The following CYP27C1 variants were observed in gnomAD, a reference collection of about 807,000 sequenced individuals.
The protein encoded by CYP27C1 is cytochrome P450 family 27 subfamily C member 1, also known as cytochrome P450 27C1.
A neutral mutation model predicts 40.6 loss-of-function variants in CYP27C1; 29 were observed. The ratio of observed to expected loss-of-function variants is 0.71; its 90% CI spans 0.53 to 0.97. The LOEUF is 0.97. Ranked by LOEUF, CYP27C1 falls within the 50% of genes least tolerant of loss-of-function variation. The pLI, the probability that CYP27C1 is intolerant of heterozygous loss-of-function variation, is 0.00. For missense variants in CYP27C1, 390 were observed against 485.8 expected (o/e 0.80, Z 1.85); for synonymous variants, 198 against 186.8 (o/e 1.06, Z -0.49).
At position 127,195,400 on chromosome 2, in the gene CYP27C1, A is replaced by C; in HGVS notation, c.1149T>G (p.His383Gln). The change falls in exon 6 of 9, where the codon CAT becomes CAG. Residue 383 changes from histidine (H) to glutamine (Q), a missense_variant. Transcript: ENST00000664447. This position sits in a 1 kb window ranked among gnomAD's most constrained non-coding sequence, Gnocchi z 6.2. ...REIVKNLGER[H>Q]VPTAADVPKV... ...TGGGGACATCAGCTGCAGTTGGAACATGCCTTTCCCCTAAATTCTTCACAA... is the reference window on the plus strand; with the variant it reads ...TGGGGACATCAGCTGCAGTTGGAACCTGCCTTTCCCCTAAATTCTTCACAA... 6.2e-7 allele frequency: 1 copy of C among 1,614,096 alleles called. No individual in the cohort carries two copies. The highest frequency in any genetic ancestry group is 8.5e-7 in the Non-Finnish European group (1 of 1,180,006).
chr2:127,199,285 C>T, intron 5 of CYP27C1, 91 bp downstream of exon 5: 1 of 1,521,020 alleles, frequency 6.6e-7, no homozygotes, highest in Admixed American at 1.9e-5. Flanking sequence ...AAACTCCATC[C>T]TCCCGCTCCA....
chr2:127,206,413 A>G (rs1368363865), intron 1 of CYP27C1, among the ~76,000 whole-genome samples: 4 of 151,928 alleles, frequency 2.6e-5, no homozygotes, highest in Admixed American at 6.6e-5. Flanking sequence ...GGCCCAGGCA[A>G]TCCTCCCACC....
chr2:127,199,507 T>C lies in CYP27C1; in HGVS notation c.916A>G (p.Ile306Val). Reference protein sequence around the residue: ...QIHVDNKLRDIQYQMDRGRRV... With the variant: ...QIHVDNKLRDVQYQMDRGRRV... ...CGGCCTCGGTCCATTTGGTACTGTA[T>C]GTCCCTCAACTTGTTGTCAACATGA... The change falls in exon 5 of 9, where the codon ATA (isoleucine) becomes GTA (valine). Residue 306 changes from isoleucine to valine, a missense_variant. By Grantham distance (29) the Ile-to-Val change is conservative. Transcript: ENST00000664447. The C allele has an allele frequency of 6.2e-7, 1 of 1,614,068 alleles. No individual in the cohort carries two copies. Among genetic ancestry groups the C allele is most frequent in the East Asian group, 2.2e-5 (1 of 44,886 alleles).
At chr2:127,203,028 A>C (rs1472624524) in intron 3 of CYP27C1, among the ~76,000 whole-genome samples, 2 of 151,920 alleles carry the variant, frequency 1.3e-5, no homozygotes, top group Admixed American at 6.6e-5. Flanking sequence ...ATTAGCCGGG[A>C]GTGGTGGCAG....
In CYP27C1 at chr2:127,204,582, A is replaced by G. The variant is rs999482793; in HGVS notation, c.474-1011T>C. 2.7e-3 allele frequency among the ~76,000 whole-genome samples: 241 copies of G among 88,540 alleles called. 12 individuals are homozygous for G. Among genetic ancestry groups the G allele is most frequent in the African/African-American group, 0.011 (227 of 20,456 alleles). 58.1% of individuals were successfully genotyped at this position (88,540 alleles called of 152,430 possible). On this transcript the variant is annotated intron_variant, in intron 2 of 8. Transcript: ENST00000664447. ...GAAAGAAAGAAAGAAAGAAAGAAAG[A>G]AAGAAAGAAAGAAAGAAAGAAAGAA...
At chr2:127,202,372 C>T (rs1345397778) in intron 3 of CYP27C1, among the ~76,000 whole-genome samples, 2 of 152,158 alleles carry the variant, frequency 1.3e-5, no homozygotes, top group South Asian at 4.1e-4. Flanking sequence ...GTGATCCACC[C>T]GCCTCGGCCT....
At chr2:127,212,504 G>A (rs937406273) in intron 1 of CYP27C1, among the ~76,000 whole-genome samples, 2 of 152,212 alleles carry the variant, frequency 1.3e-5, no homozygotes, top group African/African-American at 4.8e-5. Context: ...ATGCAAGGCT[G>A]TTTTAACATA....
Position 127,203,446 on chromosome 2 carries a change from A to C in CYP27C1, c.599T>G (p.Leu200Arg). ...VIADLIKRIY[L>R]LRSQAEDGET... ...TCCATCTTCTGCCTGGCTCCTGAGG[A>C]GGTAGATTCTTTTAATTAAGTCAGC... Residue 200 changes from leucine (L) to arginine (R), a missense_variant, in exon 3 of 9, where the codon CTC becomes CGC. Coordinates refer to ENST00000664447, the MANE Select transcript of CYP27C1 (RefSeq NM_001367502.1). 1 of 1,613,994 alleles carries C rather than the reference A, an allele frequency of 6.2e-7. No homozygotes were observed. The highest frequency in any genetic ancestry group is 1.7e-5 in the Admixed American group (1 of 59,992).
chr2:127,207,296 A>G (rs4662574), intron 1 of CYP27C1, among the ~76,000 whole-genome samples: 4,757 of 152,270 alleles, frequency 0.031, 115 homozygotes, highest in Middle Eastern at 0.058. Context: ...AGAGTTTGAG[A>G]CCAGCCTAGC....
rs1683035001 is a variant in CYP27C1 at position 127,201,489 on chromosome 2, G to A, written c.674-158C>T. 6.6e-6 allele frequency among the ~76,000 whole-genome samples: 1 copy of A among 152,184 alleles called. No individual in the cohort carries two copies. The highest frequency in any genetic ancestry group is 2.4e-5 in the African/African-American group (1 of 41,440). The stretch of plus-strand genomic sequence containing the variant: ...ATTTCTCTGCATCCTGAACTGCAGG[G>A]TGCTGGCATTTAGGGCTGACAGGTG... On this transcript the variant is annotated intron_variant, in intron 3 of 8. Coordinates refer to ENST00000664447, the MANE Select transcript of CYP27C1 (RefSeq NM_001367502.1). The surrounding 1 kb of genome is among the most constrained non-coding windows in gnomAD (Gnocchi z 6.0).
rs758945908 is a variant in CYP27C1 at position 127,205,421 on chromosome 2, G to C, written c.473+479C>G. Among the ~76,000 whole-genome samples the C allele has an allele frequency of 2.2e-4, 34 of 152,216 alleles. 1 individual carries two copies. Among genetic ancestry groups the C allele is most frequent in the Non-Finnish European group, 3.7e-4 (25 of 68,040 alleles). On this transcript the variant is annotated intron_variant, in intron 2 of 8. Coordinates refer to ENST00000664447, the MANE Select transcript of CYP27C1 (RefSeq NM_001367502.1). ...GGGCCACGATCTCTTGGAAGGCACA[G>C]AGGTGTTGGTGACGCTGGTTCAAAA...
intron 8 of CYP27C1, among the ~76,000 whole-genome samples, chr2:127,189,360 A>G (rs542306429): frequency 6.6e-6 from 1 of 152,106 alleles, no homozygotes; most frequent in South Asian, 2.1e-4. Flanking sequence ...GGCAGACGCC[A>G]TTTATTTGGT....
chr2:127,208,528 GCTGT>G lies in CYP27C1; in HGVS notation c.283-2442_283-2439del, dbSNP rs1364955262. Among the ~76,000 whole-genome samples the G allele has an allele frequency of 1.3e-5, 2 of 152,230 alleles. No homozygotes were observed. Among genetic ancestry groups the G allele is most frequent in the Admixed American group, 1.3e-4 (2 of 15,286 alleles). The stretch of plus-strand genomic sequence containing the variant: ...CGACCAGCACCAGCTGCGGCTGCCT[GCTGT>G]CTAAGTAATTTGAGCTCCTTGGGGG... On this transcript the variant is annotated intron_variant, in intron 1 of 8. Transcript: ENST00000664447. The surrounding 1 kb of genome is among the most constrained non-coding windows in gnomAD (Gnocchi z 5.2).
intron 5 of CYP27C1, among the ~76,000 whole-genome samples, chr2:127,199,155 C>T (rs548949678): frequency 3.7e-4 from 57 of 152,238 alleles, no homozygotes; most frequent in African/African-American, 1.3e-3. Flanking sequence ...GAAGTGGTGG[C>T]GGGCGCCTGT....
In CYP27C1 at chr2:127,200,648, A is replaced by G. The variant is rs958312841; in HGVS notation, c.883+474T>C. ...CATGTTACCTGTAGTCACAACCCACATGCTTTTTGCTTCTTTGAAAAACAA... is the reference window on the plus strand; with the variant it reads ...CATGTTACCTGTAGTCACAACCCACGTGCTTTTTGCTTCTTTGAAAAACAA... On this transcript the variant is annotated intron_variant, in intron 4 of 8. Transcript: ENST00000664447. This position sits in a 1 kb window ranked among gnomAD's most constrained non-coding sequence, Gnocchi z 4.2. 6.6e-6 allele frequency among the ~76,000 whole-genome samples: 1 copy of G among 152,124 alleles called. No homozygotes were observed. The highest frequency in any genetic ancestry group is 1.5e-5 in the Non-Finnish European group (1 of 68,020).
chr2:127,187,833 A>G (rs1420399054), intron 8 of CYP27C1, among the ~76,000 whole-genome samples: 1 of 152,202 alleles, frequency 6.6e-6, no homozygotes, highest in African/African-American at 2.4e-5. Context: ...AGAGGCGGAG[A>G]GAGCTGAATC....
At chr2:127,217,190 G>A (rs1683446333) in intron 1 of CYP27C1, among the ~76,000 whole-genome samples, 1 of 152,170 alleles carries the variant, frequency 6.6e-6, no homozygotes, top group Non-Finnish European at 1.5e-5. Context: ...GTGGGCCATG[G>A]AACTATACAG....
intron 8 of CYP27C1, among the ~76,000 whole-genome samples, chr2:127,192,622 G>A (rs371426772): frequency 2.3e-5 from 1 of 43,324 alleles, no homozygotes; most frequent in East Asian, 1.5e-3. Context: ...CCTTTCCCGG[G>A]GGGGGGGGCT....
At chr2:127,197,780 A>G (rs1462648449) in intron 5 of CYP27C1, among the ~76,000 whole-genome samples, 1 of 152,050 alleles carries the variant, frequency 6.6e-6, no homozygotes, top group Non-Finnish European at 1.5e-5. Context: ...TTTCACCTGT[A>G]CCTACACGGC....
Sources: gnomAD v4.1 joint callset for allele counts (sites outside exome capture counted in the v4.1 genomes callset) on GRCh38, gnomAD v4.1.1 for gene constraint, Gnocchi (gnomAD v3.1) non-coding constraint, MANE v1.5 for transcripts, NCBI Gene and HGNC (gene_info 2026-07-23, HGNC 2026-07-21) for gene names.